The following GGTA1 variants were observed in gnomAD, a reference collection of about 807,000 sequenced individuals.
GGTA1 encodes the protein inactive N-acetyllactosaminide alpha-1,3-galactosyltransferase.
Under a neutral mutation model 2.6 loss-of-function variants are expected in GGTA1, and 5 were observed. The observed-to-expected ratio is 1.92, with a 90% CI of 1.00 to 4.04. GGTA1 has a LOEUF of 4.04. GGTA1 is among the 30% of genes most tolerant of loss of function. The pLI is 0.00. For synonymous variants in GGTA1, 17 were observed against 5.0 expected, an observed-to-expected ratio of 3.38 and a Z score of -3.19; for missense variants, 50 against 16.7, an observed-to-expected ratio of 2.99 and a Z score of -3.47.
chr9:121,490,589 C>T (rs1828853086), intron 1 of GGTA1, among the ~76,000 whole-genome samples: 1 of 152,218 alleles, frequency 6.6e-6, no homozygotes, highest in Non-Finnish European at 1.5e-5. Flanking sequence ...ACCTGGAATG[C>T]AGGACTGACC....
intron 1 of GGTA1, among the ~76,000 whole-genome samples, chr9:121,492,624 C>A (rs909116706): frequency 1.3e-5 from 2 of 152,110 alleles, no homozygotes; most frequent in Non-Finnish European, 2.9e-5. Context: ...CAGGCATGGG[C>A]CACTACGCCT....
intron 1 of GGTA1, among the ~76,000 whole-genome samples, chr9:121,492,260 T>C (rs921838133): frequency 3.3e-5 from 5 of 152,150 alleles, no homozygotes; most frequent in Non-Finnish European, 7.4e-5. Context: ...AGTTTTTTTT[T>C]CCTGCTTTTG....
At chr9:121,454,588 G>T (rs149946788), downstream of GGTA1, among the ~76,000 whole-genome samples, 1,280 of 152,280 alleles carry the variant, frequency 8.4e-3, 19 homozygotes, top group African/African-American at 0.029. Flanking sequence ...AACAAGATCT[G>T]CTGACTCTGG....
chr9:121,457,204 G>A (rs1466362728), intron 5 of GGTA1, among the ~76,000 whole-genome samples: 1 of 152,208 alleles, frequency 6.6e-6, no homozygotes, highest in African/African-American at 2.4e-5. Flanking sequence ...GCCATTTACT[G>A]GGATGGGAAA....
intron 1 of GGTA1, among the ~76,000 whole-genome samples, chr9:121,485,168 C>T (rs549944497): frequency 1.3e-5 from 2 of 152,306 alleles, no homozygotes; most frequent in East Asian, 1.9e-4. Flanking sequence ...TAAAAGAATA[C>T]GAGTTCGAAG....
At chr9:121,448,377 A>C (rs2118741847) in intron 7 of GGTA1, among the ~76,000 whole-genome samples, 1 of 152,262 alleles carries the variant, frequency 6.6e-6, no homozygotes, top group South Asian at 2.1e-4. Flanking sequence ...ACAGAGAATG[A>C]GTTATGAGAT....
At chr9:121,482,861 A>G (rs1047042298) in intron 1 of GGTA1, among the ~76,000 whole-genome samples, 1 of 152,028 alleles carries the variant, frequency 6.6e-6, no homozygotes, top group Non-Finnish European at 1.5e-5. Flanking sequence ...CAGGAGAATC[A>G]TTGGAATCCG....
intron 2 of GGTA1, among the ~76,000 whole-genome samples, chr9:121,464,020 C>T (rs1564652543): frequency 6.6e-6 from 1 of 152,214 alleles, no homozygotes; most frequent in Non-Finnish European, 1.5e-5. Context: ...CTACCTGGCA[C>T]TCAGGCCATG....
intron 2 of GGTA1, among the ~76,000 whole-genome samples, chr9:121,466,425 C>T (rs2065005426): frequency 6.6e-6 from 1 of 152,106 alleles, no homozygotes; most frequent in African/African-American, 2.4e-5. Context: ...TTCAAAAGAC[C>T]TAGTTTCCAG....
At chr9:121,488,240 CCTGG>C (rs1828801854) in intron 1 of GGTA1, among the ~76,000 whole-genome samples, 1 of 152,062 alleles carries the variant, frequency 6.6e-6, no homozygotes, top group African/African-American at 2.4e-5. Context: ...GTCTCAAGCT[CCTGG>C]CCTCAAGCAA....
downstream of GGTA1, among the ~76,000 whole-genome samples, chr9:121,450,874 G>A (rs759709857): frequency 5.9e-5 from 9 of 152,162 alleles, no homozygotes; most frequent in Admixed American, 3.9e-4. Context: ...TGTTAATGAC[G>A]GAACAGTAAT....
At chr9:121,484,292 T>A (rs1004255500) in intron 1 of GGTA1, among the ~76,000 whole-genome samples, 9 of 152,226 alleles carry the variant, frequency 5.9e-5, no homozygotes, top group Non-Finnish European at 1.2e-4. Flanking sequence ...TAGATTCACA[T>A]GGCAACAGTG....
At chr9:121,498,404 G>T (rs1024402667) in intron 1 of GGTA1, among the ~76,000 whole-genome samples, 8 of 152,238 alleles carry the variant, frequency 5.3e-5, no homozygotes, top group South Asian at 4.1e-4. Flanking sequence ...GGTAGAAAGT[G>T]CCTGATGTAG....
At chr9:121,464,369 C>CAGGCTAA (rs1215347510) in intron 2 of GGTA1, among the ~76,000 whole-genome samples, 1 of 143,046 alleles carries the variant, frequency 7.0e-6, no homozygotes, top group Non-Finnish European at 1.5e-5. Flanking sequence ...CTCTGTTGCC[C>CAGGCTAA]AGGCTAAAGT....
In GGTA1 at chr9:121,446,460, G is replaced by A. The variant is rs1251081156; in HGVS notation, c.*1256C>T. 3 of 152,246 alleles carry A rather than the reference G, an allele frequency of 2.0e-5. No homozygotes were observed. The East Asian group carries it at 5.8e-4, about 29-fold the overall frequency. The allele number at this position is 152,246 out of a possible 1,614,324, so 9.4% of individuals were successfully genotyped here. On this transcript the variant is annotated 3_prime_UTR_variant and NMD_transcript_variant, in exon 8 of 8. Transcript: ENST00000481534. ...TTTGAGGATTGCCAAGGCAAATGGT[G>A]TCTTTACTGAGAGTTCTGCTGCACA...
At chr9:121,459,938 A>G (rs896146873) in intron 5 of GGTA1, among the ~76,000 whole-genome samples, 166 bp downstream of exon 5, 1 of 152,208 alleles carries the variant, frequency 6.6e-6, no homozygotes, top group Non-Finnish European at 1.5e-5. Context: ...TTACATCACA[A>G]TCAAATAGAT....
At chr9:121,480,360 G>A (rs2416823) in intron 1 of GGTA1, among the ~76,000 whole-genome samples, 33,175 of 152,010 alleles carry the variant, frequency 0.22, 4,320 homozygotes, top group Non-Finnish European at 0.3. Context: ...CCGGTGGGCA[G>A]TAGATTTTCC....
chr9:121,450,822 C>T (rs936288183), downstream of GGTA1, among the ~76,000 whole-genome samples: 1 of 152,138 alleles, frequency 6.6e-6, no homozygotes, highest in Non-Finnish European at 1.5e-5. Context: ...ACATAGGTCC[C>T]TAGGATCAGC....
At chr9:121,452,983 C>A (rs768716545), downstream of GGTA1, among the ~76,000 whole-genome samples, 43 of 152,214 alleles carry the variant, frequency 2.8e-4, no homozygotes, top group Non-Finnish European at 5.9e-4. Flanking sequence ...TTATTTATCC[C>A]TGTGGATGTC....
Sources: allele counts gnomAD v4.1 joint callset (sites outside exome capture counted in the v4.1 genomes callset), GRCh38; gene constraint gnomAD v4.1.1; transcripts MANE v1.5; gene names NCBI Gene and HGNC (gene_info 2026-07-23, HGNC 2026-07-21).